The following SCHIP1 variants were observed in gnomAD, a reference collection of about 807,000 sequenced individuals.
SCHIP1 encodes schwannomin interacting protein 1, also known as schwannomin-interacting protein 1.
A neutral mutation model predicts 29.7 loss-of-function variants in SCHIP1; 8 were observed. That is an observed-to-expected ratio of 0.27 (90% confidence interval 0.16 to 0.49). SCHIP1 has a LOEUF of 0.49. Among genes scored for constraint, SCHIP1 ranks in the 20% least tolerant of loss-of-function variants. The probability of loss-of-function intolerance (pLI) is 0.99; values close to 1 mark genes in which losing one functional copy is unlikely to be tolerated. For missense variants in SCHIP1, 193 were observed against 294.6 expected, an observed-to-expected ratio of 0.66 and a Z score of 2.52; for synonymous variants, 76 against 94.9, an observed-to-expected ratio of 0.80 and a Z score of 1.16.
chr3:159,773,752 T>G, the SCHIP1 span, among the ~76,000 whole-genome samples: 2 of 152,244 alleles, frequency 1.3e-5, no homozygotes. Flanking sequence ...TGTGTATATT[T>G]CTAGCAACAG....
chr3:159,762,735 G>A, the SCHIP1 span, among the ~76,000 whole-genome samples: 1 of 152,210 alleles, frequency 6.6e-6, no homozygotes, highest in Non-Finnish European at 1.5e-5. Context: ...TTTTCCAAGT[G>A]TTGGTATTTT....
At chr3:159,655,014 A>T in the SCHIP1 span, among the ~76,000 whole-genome samples, 1 of 152,110 alleles carries the variant, frequency 6.6e-6, no homozygotes, top group African/African-American at 2.4e-5. Flanking sequence ...CTGTGCTGCC[A>T]GTCACTTACT....
chr3:159,795,422 G>A, the SCHIP1 span, among the ~76,000 whole-genome samples: 2 of 152,164 alleles, frequency 1.3e-5, no homozygotes, highest in African/African-American at 4.8e-5. Context: ...GTACTTCCCA[G>A]GATAGTACCA....
the SCHIP1 span, among the ~76,000 whole-genome samples, chr3:159,797,576 C>T: frequency 1.4e-5 from 2 of 145,340 alleles, no homozygotes; most frequent in Non-Finnish European, 3.0e-5. Context: ...ATTTAAAGAT[C>T]TTTTTTTTTT....
At chr3:159,554,008 GTGTGTGTGTGTT>G in the SCHIP1 span, among the ~76,000 whole-genome samples, 673 of 120,166 alleles carry the variant, frequency 5.6e-3, 5 homozygotes, top group African/African-American at 0.028. Context: ...GTGTGTGTGT[GTGTGTGTGTGTT>G]TGTGTATGTG....
intron 5 of SCHIP1, among the ~76,000 whole-genome samples, chr3:159,890,181 G>T (rs1717363694): frequency 6.6e-6 from 1 of 152,118 alleles, no homozygotes; most frequent in Non-Finnish European, 1.5e-5. Context: ...TAATGTGATA[G>T]CTGGAATTTG....
At chr3:159,390,315 T>C in the SCHIP1 span, among the ~76,000 whole-genome samples, 1 of 152,132 alleles carries the variant, frequency 6.6e-6, no homozygotes, top group Admixed American at 6.6e-5. Flanking sequence ...TTTTTTCTTA[T>C]TTAAAATCAA....
At chr3:159,765,346 G>C in the SCHIP1 span, 1 of 557,270 alleles carries the variant, frequency 1.8e-6, no homozygotes, top group Non-Finnish European at 2.9e-6. Context: ...AGGATGGGCG[G>C]AGAGGAAGGA....
At chr3:159,579,370 A>G in the SCHIP1 span, among the ~76,000 whole-genome samples, 11 of 152,356 alleles carry the variant, frequency 7.2e-5, no homozygotes, top group South Asian at 6.2e-4. Flanking sequence ...GTCAAAATCT[A>G]CTTACAGCAT....
the SCHIP1 span, among the ~76,000 whole-genome samples, chr3:159,754,261 G>A: frequency 3.3e-5 from 5 of 152,262 alleles, no homozygotes; most frequent in South Asian, 2.1e-4. Flanking sequence ...ACCTATCAGC[G>A]GTATATGAGA....
At chr3:159,785,845 C>T in the SCHIP1 span, among the ~76,000 whole-genome samples, 3 of 152,170 alleles carry the variant, frequency 2.0e-5, no homozygotes, top group Admixed American at 2.0e-4. Flanking sequence ...ATCACTGGGG[C>T]AGCTTATACT....
chr3:159,594,935 A>G, the SCHIP1 span, among the ~76,000 whole-genome samples: 2 of 152,208 alleles, frequency 1.3e-5, no homozygotes, highest in South Asian at 2.1e-4. Context: ...GTGTAGACCC[A>G]GAGCCTAATT....
the SCHIP1 span, among the ~76,000 whole-genome samples, chr3:159,365,965 AT>A: frequency 6.6e-6 from 1 of 152,182 alleles, no homozygotes; most frequent in Non-Finnish European, 1.5e-5. Context: ...AATCAGTTGT[AT>A]TAGACCGCTC....
chr3:159,317,810 G>A, the SCHIP1 span, among the ~76,000 whole-genome samples: 1 of 152,200 alleles, frequency 6.6e-6, no homozygotes, highest in Admixed American at 6.5e-5. Context: ...ATGGTTAGTA[G>A]TCTTGGCAGA....
the SCHIP1 span, among the ~76,000 whole-genome samples, chr3:159,305,305 T>C: frequency 1.2e-4 from 19 of 152,202 alleles, no homozygotes; most frequent in African/African-American, 4.3e-4. Context: ...CAGTCTCCCA[T>C]GTCCCTGACT....
At chr3:159,587,396 A>T in the SCHIP1 span, among the ~76,000 whole-genome samples, 39 of 152,200 alleles carry the variant, frequency 2.6e-4, no homozygotes, top group African/African-American at 8.7e-4. Flanking sequence ...AAAAAAAAAA[A>T]GACTTATTAC....
the SCHIP1 span, among the ~76,000 whole-genome samples, chr3:159,295,245 A>C: frequency 0.054 from 6,498 of 120,066 alleles, 571 homozygotes; most frequent in African/African-American, 0.19. Flanking sequence ...GTGAAATTCT[A>C]TCTCTACTAA....
At chr3:159,737,364 C>G in the SCHIP1 span, among the ~76,000 whole-genome samples, 1 of 152,132 alleles carries the variant, frequency 6.6e-6, no homozygotes. Flanking sequence ...CTGTAGGTCT[C>G]GACTGGGGCC....
chr3:159,716,027 G>A, the SCHIP1 span, among the ~76,000 whole-genome samples: 1 of 152,328 alleles, frequency 6.6e-6, no homozygotes, highest in South Asian at 2.1e-4. Context: ...ACAAAGGGAA[G>A]CCCATCAGAC....
Sources: gnomAD v4.1 joint callset for allele counts (sites outside exome capture counted in the v4.1 genomes callset) on GRCh38, gnomAD v4.1.1 for gene constraint, MANE v1.5 for transcripts, NCBI Gene and HGNC (gene_info 2026-07-23, HGNC 2026-07-21) for gene names.